POLR3A: variants seen among roughly 807,000 people sequenced by gnomAD.
POLR3A encodes RNA polymerase III subunit A.
Under a neutral mutation model 152.8 loss-of-function variants are expected in POLR3A, and 112 were observed. The observed-to-expected ratio is 0.73, with a 90% CI of 0.63 to 0.86. The LOEUF is 0.86. Among genes scored for constraint, POLR3A ranks in the 40% least tolerant of loss-of-function variants. POLR3A has a pLI of 0.00. For missense variants in POLR3A, 1,385 were observed against 1,743.1 expected (o/e 0.79, Z 3.66); for synonymous variants, 615 against 652.1 (o/e 0.94, Z 0.87).
intron 11 of POLR3A, among the ~76,000 whole-genome samples, chr10:78,012,870 C>T (rs548662486): frequency 7.9e-5 from 12 of 152,222 alleles, no homozygotes; most frequent in African/African-American, 2.4e-4. Context: ...TACAGGCGTG[C>T]GCCACCACAC....
At chr10:78,001,773 C>T (rs1221492629) in intron 17 of POLR3A, among the ~76,000 whole-genome samples, 5 of 152,052 alleles carry the variant, frequency 3.3e-5, no homozygotes, top group African/African-American at 4.8e-5. Flanking sequence ...TTAGCTGGGA[C>T]GACAGGCACA....
chr10:77,990,904 A>G (rs1482810793), intron 21 of POLR3A, 150 bp downstream of exon 21: 11 of 649,500 alleles, frequency 1.7e-5, no homozygotes, highest in Non-Finnish European at 2.8e-5. Context: ...ATGAGCCACC[A>G]TGCCTGGCCC....
chr10:77,987,351 TA>T (rs1215404953), intron 21 of POLR3A, among the ~76,000 whole-genome samples: 1 of 152,084 alleles, frequency 6.6e-6, no homozygotes, highest in African/African-American at 2.4e-5. Context: ...ACAGTGGCGG[TA>T]AGCTTGAATG....
At chr10:78,022,881 G>C (rs1245930888) in intron 5 of POLR3A, among the ~76,000 whole-genome samples, 1 of 152,206 alleles carries the variant, frequency 6.6e-6, no homozygotes. Context: ...CTGGAGGCTG[G>C]GCGTAGTGGC....
At chr10:78,007,128 TAAC>T (rs1847419449) in intron 15 of POLR3A, among the ~76,000 whole-genome samples, 1 of 152,088 alleles carries the variant, frequency 6.6e-6, no homozygotes, top group Admixed American at 6.6e-5. Flanking sequence ...CAATACCTGT[TAAC>T]AACAACTCTG....
intron 29 of POLR3A, among the ~76,000 whole-genome samples, chr10:77,980,936 T>G (rs1456772964): frequency 6.6e-6 from 1 of 151,806 alleles, no homozygotes; most frequent in African/African-American, 2.4e-5. Flanking sequence ...AAGGCACAGC[T>G]AGAGGGAAAT....
rs36050560 is a variant in POLR3A, at chr10:78,006,395, CAAAAA to C, written c.2074+1302_2074+1306del. On this transcript the variant is annotated intron_variant, in intron 15 of 30. Coordinates refer to ENST00000372371, the MANE Select transcript of POLR3A (RefSeq NM_007055.4). ...CTGGCGACTGAGCAAGACTCTGTCT[CAAAAA>C]AAAAAAAAAAAAAAAAAAAAAGAAA... 2.7e-4 allele frequency among the ~76,000 whole-genome samples: 6 copies of C among 21,946 alleles called. No individual in the cohort carries two copies. The Admixed American group carries it at 2.9e-3, about 10-fold the overall frequency. 14.4% of individuals were successfully genotyped at this position (21,946 alleles called of 152,430 possible).
rs1363427659 is a variant in POLR3A at position 78,024,653 on chromosome 10, T to C, written c.541A>G (p.Thr181Ala). 6.2e-7 allele frequency: 1 copy of C among 1,613,716 alleles called. No individual in the cohort carries two copies. Among genetic ancestry groups the C allele is most frequent in the African/African-American group, 1.3e-5 (1 of 74,924 alleles). ...ATGGGATCCACCACTTTTTTGTTGGTCTTGTATTTCTCATGAATTATTTTC... is the reference window on the plus strand; with the variant it reads ...ATGGGATCCACCACTTTTTTGTTGGCCTTGTATTTCTCATGAATTATTTTC... The part of the protein sequence containing the change: ...LLKIIHEKYK[T>A]NKKVVDPIVS... The change falls in exon 5 of 31, where the codon ACC becomes GCC. Residue 181 changes from threonine to alanine, a missense_variant. Coordinates refer to ENST00000372371, the MANE Select transcript of POLR3A (RefSeq NM_007055.4).
chr10:78,029,270 G>T, intron 1 of POLR3A, 94 bp downstream of exon 1: 1 of 1,271,012 alleles, frequency 7.9e-7, no homozygotes, highest in Non-Finnish European at 1.2e-6. Flanking sequence ...CCTTCCCATT[G>T]CACCCCATCT....
intron 9 of POLR3A, among the ~76,000 whole-genome samples, chr10:78,018,340 A>C (rs1394878671): frequency 6.6e-6 from 1 of 151,784 alleles, no homozygotes; most frequent in African/African-American, 2.4e-5. Flanking sequence ...CGCTACTAAA[A>C]ATACAAAAAT....
Position 78,000,982 on chromosome 10 carries a change from G to A in POLR3A, c.2472C>T (p.His824=), listed in dbSNP as rs139259717. The stretch of plus-strand genomic sequence containing the variant: ...CTGATCTGCTACTGCTTACCTTTGA[G>A]TGTTTTTCAAAATGAGGCAAGGACC... ...ENRSLPHFEK[H]SKLPAAKGFV... The change falls in exon 18 of 31, where the codon CAC becomes CAT. Residue 824 remains histidine (H), a synonymous_variant. Coordinates refer to ENST00000372371, the MANE Select transcript of POLR3A (RefSeq NM_007055.4). The A allele has an allele frequency of 1.9e-3, 2,900 of 1,542,970 alleles. 13 individuals carry two copies. Among genetic ancestry groups the A allele is most frequent in the Non-Finnish European group, 2.2e-3 (2,455 of 1,118,390 alleles).
intron 10 of POLR3A, among the ~76,000 whole-genome samples, chr10:78,016,899 C>G (rs1008676367): frequency 1.3e-5 from 2 of 150,284 alleles, no homozygotes; most frequent in African/African-American, 4.9e-5. Context: ...AATCCATTTT[C>G]TGCCATACCT....
At chr10:78,027,747 T>A (rs1337737464) in intron 1 of POLR3A, among the ~76,000 whole-genome samples, 1 of 152,124 alleles carries the variant, frequency 6.6e-6, no homozygotes, top group East Asian at 1.9e-4. Flanking sequence ...TTAGTAGAGA[T>A]GAGGTTTTAC....
intron 20 of POLR3A, among the ~76,000 whole-genome samples, chr10:77,992,033 G>A (rs1055604652): frequency 6.6e-5 from 10 of 152,150 alleles, no homozygotes; most frequent in African/African-American, 2.2e-4. Context: ...AAACTACTGG[G>A]TCAAAAGGGA....
At chr10:78,013,621 C>G in intron 11 of POLR3A, 29 bp downstream of exon 11, 3 of 1,612,372 alleles carry the variant, frequency 1.9e-6, no homozygotes, top group Non-Finnish European at 2.5e-6. Context: ...AGCTGTTATG[C>G]AAAAGCTGGG....
At chr10:78,010,643 T>A in intron 11 of POLR3A, 103 bp from the exon 12 acceptor site, 1 of 837,286 alleles carries the variant, frequency 1.2e-6, no homozygotes, top group Non-Finnish European at 2.1e-6. Flanking sequence ...AAATACAGAG[T>A]AGCAGAAGGA....
In POLR3A at chr10:78,021,687, A is replaced by C; in HGVS notation, c.1049-5T>G. The C allele has an allele frequency of 1.2e-6, 2 of 1,614,102 alleles. No homozygotes were observed. The highest frequency in any genetic ancestry group is 2.7e-5 in the African/African-American group (2 of 75,014). ...AGAGATTTCCTCTAAATCGACCTAA[A>C]TAGCCAAAAACATGTCATAGGTCCC... On this transcript the variant is annotated splice_region_variant and splice_polypyrimidine_tract_variant and intron_variant, in intron 7 of 30. Coordinates refer to ENST00000372371, the MANE Select transcript of POLR3A (RefSeq NM_007055.4).
At chr10:78,018,532 A>T (rs1397635778) in intron 9 of POLR3A, among the ~76,000 whole-genome samples, 1 of 151,940 alleles carries the variant, frequency 6.6e-6, no homozygotes, top group African/African-American at 2.4e-5. Flanking sequence ...CTAATTTTAG[A>T]AATGCTAAAA....
At position 77,975,939 on chromosome 10, in the gene POLR3A, A is replaced by G. The variant is rs1847084331; in HGVS notation, c.*1539T>C. On this transcript the variant is annotated 3_prime_UTR_variant, in exon 31 of 31. Coordinates refer to ENST00000372371, the MANE Select transcript of POLR3A (RefSeq NM_007055.4). Reference sequence around the variant, plus strand: ...GAATTAGTGTTCATTAACAAACTTAATCCTTTGTCCTAAACCAGGCTCTAG... The same window carrying G: ...GAATTAGTGTTCATTAACAAACTTAGTCCTTTGTCCTAAACCAGGCTCTAG... 6.6e-6 allele frequency: 1 copy of G among 151,902 alleles called. No individual in the cohort carries two copies. Among genetic ancestry groups the G allele is most frequent in the Admixed American group, 6.6e-5 (1 of 15,250 alleles). The allele number at this position is 151,902 out of a possible 1,614,324, so 9.4% of individuals were successfully genotyped here. A position where few individuals can be genotyped will look rare whatever the true frequency, so the allele number is the denominator to read the frequency against.
Sources: gnomAD v4.1 joint callset for allele counts (sites outside exome capture counted in the v4.1 genomes callset) on GRCh38, gnomAD v4.1.1 for gene constraint, MANE v1.5 for transcripts, NCBI Gene and HGNC (gene_info 2026-07-23, HGNC 2026-07-21) for gene names.